Variants in GAREM1 observed in about 807,000 individuals in gnomAD.
The protein encoded by GAREM1 is GRB2-associated and regulator of MAPK protein 1.
A neutral mutation model predicts 71.3 loss-of-function variants in GAREM1; 26 were observed. The observed-to-expected ratio is 0.36, with a 90% confidence interval of 0.27 to 0.51. The LOEUF is 0.51. Ranked by LOEUF, GAREM1 falls within the 20% of genes least tolerant of loss-of-function variation. GAREM1 has a pLI of 0.95. For missense variants in GAREM1, 1,026 were observed against 1,103.1 expected (o/e 0.93, Z 0.99); for synonymous variants, 440 against 433.2 (o/e 1.02, Z -0.20).
At chr18:32,334,202 G>A (rs972722129) in intron 2 of GAREM1, among the ~76,000 whole-genome samples, 10 of 152,152 alleles carry the variant, frequency 6.6e-5, no homozygotes, top group African/African-American at 2.4e-4. Context: ...TAGGAGAAGA[G>A]AGAGCTTTAT....
At chr18:32,352,293 C>T (rs948455543) in intron 2 of GAREM1, among the ~76,000 whole-genome samples, 1 of 152,230 alleles carries the variant, frequency 6.6e-6, no homozygotes, top group Admixed American at 6.5e-5. Flanking sequence ...AGTACTAAGA[C>T]AAGGCCAGGA....
intron 2 of GAREM1, among the ~76,000 whole-genome samples, chr18:32,388,226 G>C (rs2048166172): frequency 6.6e-6 from 1 of 152,184 alleles, no homozygotes; most frequent in Non-Finnish European, 1.5e-5. Flanking sequence ...ACAAGTCCAT[G>C]CTCATAATAG....
At chr18:32,305,580 C>A (rs113617543) in intron 3 of GAREM1, among the ~76,000 whole-genome samples, 133 of 152,222 alleles carry the variant, frequency 8.7e-4, no homozygotes, top group African/African-American at 3.0e-3. Flanking sequence ...AGTACAGTGG[C>A]GCGATCTTGG....
At chr18:32,369,899 A>T (rs1003410704) in intron 2 of GAREM1, among the ~76,000 whole-genome samples, 4 of 152,202 alleles carry the variant, frequency 2.6e-5, no homozygotes, top group African/African-American at 9.7e-5. Context: ...GTCCACTGCT[A>T]ACTGTGTATG....
In GAREM1 at chr18:32,288,162, G is replaced by A. The variant is rs2047046517; in HGVS notation, c.435C>T (p.Asn145=). 1.9e-6 allele frequency: 3 copies of A among 1,613,022 alleles called. No individual in the cohort carries two copies. Among genetic ancestry groups the A allele is most frequent in the Non-Finnish European group, 2.5e-6 (3 of 1,179,542 alleles). Residue 145 remains asparagine (N), a synonymous_variant, in exon 4 of 6, where the codon AAC becomes AAT. Transcript: ENST00000269209. ...GECNEDTEVY[N]ITLCTGDELT... The stretch of plus-strand genomic sequence containing the variant: ...GTTCATCCCCAGTACACAGGGTGAT[G>A]TTGTAAACTTCAGTGTCTTCATTGC...
chr18:32,330,931 CTTTCCAGCACTCTTTACAGTTCCAT>C, intron 2 of GAREM1, among the ~76,000 whole-genome samples: 1 of 152,294 alleles, frequency 6.6e-6, no homozygotes, highest in Middle Eastern at 3.4e-3. Context: ...AAATGACTGC[CTTTCCAGCACTCTTTACAGTTCCAT>C]ATAGGCTGCT....
intron 3 of GAREM1, among the ~76,000 whole-genome samples, chr18:32,305,596 T>G (rs1395605538): frequency 6.6e-6 from 1 of 152,218 alleles, no homozygotes; most frequent in African/African-American, 2.4e-5. Flanking sequence ...CTTGGCTCAC[T>G]GGAACCTCTG....
chr18:32,452,941 G>C (rs949839037), intron 1 of GAREM1, among the ~76,000 whole-genome samples: 2 of 151,810 alleles, frequency 1.3e-5, no homozygotes, highest in African/African-American at 4.8e-5. Context: ...TTTACACGTG[G>C]GTGTGTGCTT....
intron 2 of GAREM1, among the ~76,000 whole-genome samples, chr18:32,351,715 T>TTA (rs1555637189): frequency 2.7e-5 from 4 of 150,776 alleles, no homozygotes; most frequent in Admixed American, 1.3e-4. Context: ...TTTTTTTTTT[T>TTA]ACTTACACAG....
chr18:32,279,305 G>C (rs931554356), intron 4 of GAREM1, among the ~76,000 whole-genome samples: 8 of 152,154 alleles, frequency 5.3e-5, no homozygotes, highest in African/African-American at 1.4e-4. Context: ...CAGGAGGCGA[G>C]CAGCTGGCAA....
intron 2 of GAREM1, among the ~76,000 whole-genome samples, chr18:32,348,151 G>T (rs866252230): frequency 2.0e-5 from 3 of 152,288 alleles, no homozygotes; most frequent in Middle Eastern, 6.8e-3. Context: ...AGCAATGCTA[G>T]GAGGATTAAA....
At chr18:32,436,049 A>G (rs187017284) in intron 1 of GAREM1, among the ~76,000 whole-genome samples, 33 of 152,284 alleles carry the variant, frequency 2.2e-4, no homozygotes, top group Middle Eastern at 3.4e-3. Context: ...CCTCTGATAA[A>G]GGGCAAAACT....
intron 2 of GAREM1, among the ~76,000 whole-genome samples, chr18:32,321,877 A>G (rs2047432754): frequency 1.3e-5 from 2 of 152,332 alleles, no homozygotes; most frequent in South Asian, 4.1e-4. Flanking sequence ...CTTAAAATTC[A>G]AATCTAACCA....
At chr18:32,309,250 C>A (rs976832408) in intron 3 of GAREM1, among the ~76,000 whole-genome samples, 1 of 149,550 alleles carries the variant, frequency 6.7e-6, no homozygotes, top group African/African-American at 2.5e-5. Flanking sequence ...TCTGGTCAGT[C>A]CCTCTTCAAC....
intron 1 of GAREM1, among the ~76,000 whole-genome samples, chr18:32,422,500 C>G (rs918832652): frequency 6.6e-6 from 1 of 152,198 alleles, no homozygotes; most frequent in African/African-American, 2.4e-5. Flanking sequence ...AACTCCAGTA[C>G]TTAATAATGA....
In GAREM1 at chr18:32,470,278, C is replaced by T. The variant is rs1395112141; in HGVS notation, c.121+30G>A. The T allele has an allele frequency of 6.8e-7, 1 of 1,477,768 alleles. No individual in the cohort carries two copies. Among genetic ancestry groups the T allele is most frequent in the Admixed American group, 2.2e-5 (1 of 45,858 alleles). The allele number at this position is 1,477,768 out of a possible 1,614,324, so 91.5% of individuals were successfully genotyped here. On this transcript the variant is annotated intron_variant, in intron 1 of 5. Transcript: ENST00000269209. This position sits in a 1 kb window ranked among gnomAD's most constrained non-coding sequence, Gnocchi z 4.4. ...CCGCGTGGAGACGGCTGTCCTCGCC[C>T]GTCTGCCCCGCGCCCCAGCTGGGAC...
chr18:32,450,445 T>A (rs1237737339), intron 1 of GAREM1, among the ~76,000 whole-genome samples: 2 of 152,178 alleles, frequency 1.3e-5, no homozygotes, highest in Non-Finnish European at 2.9e-5. Context: ...TGTTTAGGGG[T>A]TGCAACATGT....
At chr18:32,361,260 C>T (rs1237550436) in intron 2 of GAREM1, among the ~76,000 whole-genome samples, 1 of 152,146 alleles carries the variant, frequency 6.6e-6, no homozygotes, top group African/African-American at 2.4e-5. Flanking sequence ...CCCACCATAA[C>T]CACACACACC....
chr18:32,460,501 A>C (rs1336769106), intron 1 of GAREM1, among the ~76,000 whole-genome samples: 2 of 152,214 alleles, frequency 1.3e-5, no homozygotes, highest in African/African-American at 4.8e-5. Context: ...ACAGAACTGG[A>C]AAGGAGCTTG....
Sources: allele counts gnomAD v4.1 joint callset (sites outside exome capture counted in the v4.1 genomes callset), GRCh38; gene constraint gnomAD v4.1.1; non-coding constraint Gnocchi (gnomAD v3.1); transcripts MANE v1.5; gene names NCBI Gene and HGNC (gene_info 2026-07-23, HGNC 2026-07-21).